The following GALNT17 variants were observed in gnomAD, a reference collection of about 807,000 sequenced individuals.
The protein encoded by GALNT17 is polypeptide N-acetylgalactosaminyltransferase 17, also known as UDP-GalNAc:polypeptide N-acetylgalactosaminyltransferase-like 3.
A neutral mutation model predicts 63.7 loss-of-function variants in GALNT17; 29 were observed. The observed-to-expected ratio is 0.46, with a 90% CI of 0.34 to 0.62. The LOEUF (loss-of-function observed/expected upper bound fraction) is 0.62, where lower values mean the gene tolerates loss of function less well. GALNT17 is among the 20% of genes least tolerant of loss of function. The probability of loss-of-function intolerance (pLI) is 0.01; values close to 1 mark genes in which losing one functional copy is unlikely to be tolerated. For missense variants in GALNT17, 603 were observed against 799.6 expected (o/e 0.75, Z 2.97); for synonymous variants, 305 against 318.3 (o/e 0.96, Z 0.45).
chr7:71,162,073 CTTCCTTCT>C (rs1474747681), intron 1 of GALNT17, among the ~76,000 whole-genome samples: 3 of 122,602 alleles, frequency 2.4e-5, no homozygotes, highest in Non-Finnish European at 3.3e-5. Context: ...TCCTTCCTTC[CTTCCTTCT>C]TTCCTTCCTC....
intron 1 of GALNT17, among the ~76,000 whole-genome samples, chr7:71,265,836 A>G (rs1255252381): frequency 6.6e-6 from 1 of 152,242 alleles, no homozygotes; most frequent in Non-Finnish European, 1.5e-5. Flanking sequence ...AGGATGTATT[A>G]GTTTCATGCT....
chr7:71,454,594 G>T (rs1273705251), intron 5 of GALNT17, among the ~76,000 whole-genome samples: 1 of 152,178 alleles, frequency 6.6e-6, no homozygotes, highest in Non-Finnish European at 1.5e-5. Flanking sequence ...TTGAGAGAAG[G>T]TCAAAGGTAA....
chr7:71,462,806 T>G (rs1410233514), intron 5 of GALNT17, among the ~76,000 whole-genome samples: 1 of 152,176 alleles, frequency 6.6e-6, no homozygotes, highest in Admixed American at 6.5e-5. Flanking sequence ...GAGATAACTT[T>G]GAATAGAATG....
chr7:71,669,367 C>T (rs547351056), intron 7 of GALNT17, among the ~76,000 whole-genome samples: 3 of 151,868 alleles, frequency 2.0e-5, no homozygotes, highest in African/African-American at 7.2e-5. Context: ...AAAAATTATC[C>T]AGGCATGGTG....
Position 71,665,558 on chromosome 7 carries a change from A to G in GALNT17, c.1228A>G (p.Lys410Glu). ...RVAEVWMDDY[K>E]SHVYIAWNLP... ...TGCTGAGGTCTGGATGGACGATTAC[A>G]AGTCTCATGTGTACATAGCGTGGAA... Residue 410 changes from lysine to glutamate, a missense_variant, in exon 7 of 11, where the codon AAG becomes GAG. Around this residue, in one of 3 missense-constraint regions of GALNT17, gnomAD observed 336 missense variants for 507.8 expected, o/e 0.66. Transcript: ENST00000333538. The G allele has an allele frequency of 6.2e-7, 1 of 1,614,016 alleles. No individual in the cohort carries two copies. The highest frequency in any genetic ancestry group is 8.5e-7 in the Non-Finnish European group (1 of 1,179,980).
chr7:71,331,708 A>G (rs542593843), intron 1 of GALNT17, among the ~76,000 whole-genome samples: 2 of 115,104 alleles, frequency 1.7e-5, no homozygotes, highest in South Asian at 2.4e-4. Context: ...GAGTGAGACC[A>G]TCCCTTAAAA....
chr7:71,455,350 TC>T (rs1361892293), intron 5 of GALNT17, among the ~76,000 whole-genome samples: 2 of 152,042 alleles, frequency 1.3e-5, no homozygotes, highest in African/African-American at 2.4e-5. Context: ...AGAGGTGTGT[TC>T]AACCTCCCAT....
At chr7:71,295,692 G>C (rs970307073) in intron 1 of GALNT17, among the ~76,000 whole-genome samples, 6 of 151,798 alleles carry the variant, frequency 4.0e-5, no homozygotes, top group African/African-American at 1.5e-4. Flanking sequence ...TCAAATTCCT[G>C]GGCTTAAGCA....
chr7:71,673,554 A>G (rs1791103059), intron 8 of GALNT17, among the ~76,000 whole-genome samples: 1 of 152,182 alleles, frequency 6.6e-6, no homozygotes, highest in African/African-American at 2.4e-5. Context: ...GTACTTTGTC[A>G]TGCTTTTCCA....
intron 6 of GALNT17, among the ~76,000 whole-genome samples, chr7:71,647,568 C>T (rs972646418): frequency 2.0e-5 from 3 of 152,196 alleles, no homozygotes; most frequent in Non-Finnish European, 4.4e-5. Flanking sequence ...CAGGCAGAGG[C>T]CCCTCCAGGC....
At chr7:71,342,131 T>C (rs1203269390) in intron 2 of GALNT17, among the ~76,000 whole-genome samples, 2 of 152,202 alleles carry the variant, frequency 1.3e-5, no homozygotes, top group Non-Finnish European at 2.9e-5. Flanking sequence ...GGGTTATTTA[T>C]AAATATAAGA....
intron 1 of GALNT17, among the ~76,000 whole-genome samples, chr7:71,332,325 A>G (rs1183467426): frequency 6.6e-6 from 1 of 152,116 alleles, no homozygotes; most frequent in African/African-American, 2.4e-5. Context: ...TCAGGGACCT[A>G]AATTTTTGCA....
intron 6 of GALNT17, among the ~76,000 whole-genome samples, chr7:71,587,202 A>G (rs1463857898): frequency 4.0e-5 from 6 of 151,784 alleles, no homozygotes. Context: ...TAATTTTTCT[A>G]TTTTTAGTAG....
intron 6 of GALNT17, among the ~76,000 whole-genome samples, chr7:71,586,278 C>A (rs1399239137): frequency 6.6e-6 from 1 of 152,160 alleles, no homozygotes; most frequent in Non-Finnish European, 1.5e-5. Flanking sequence ...ATCTTATAGT[C>A]TCTATTGTAT....
intron 1 of GALNT17, among the ~76,000 whole-genome samples, chr7:71,320,653 C>T (rs1211226162): frequency 6.6e-6 from 1 of 152,140 alleles, no homozygotes; most frequent in Non-Finnish European, 1.5e-5. Flanking sequence ...ATTGATAGTG[C>T]TTCTGAATAC....
chr7:71,355,813 G>T (rs1466678217), intron 2 of GALNT17, among the ~76,000 whole-genome samples: 1 of 151,846 alleles, frequency 6.6e-6, no homozygotes, highest in African/African-American at 2.4e-5. Context: ...GATTACAGGT[G>T]TGAGCCACCA....
intron 1 of GALNT17, among the ~76,000 whole-genome samples, chr7:71,205,874 A>C (rs1433239169): frequency 6.6e-6 from 1 of 152,100 alleles, no homozygotes; most frequent in Non-Finnish European, 1.5e-5. Flanking sequence ...TTAAATAAGT[A>C]GGTTATTTCT....
At chr7:71,515,053 C>T (rs1275233742) in intron 5 of GALNT17, among the ~76,000 whole-genome samples, 3 of 152,182 alleles carry the variant, frequency 2.0e-5, no homozygotes, top group African/African-American at 7.2e-5. Flanking sequence ...TGCCTTTGCT[C>T]CTCCTTCACC....
intron 2 of GALNT17, among the ~76,000 whole-genome samples, chr7:71,347,942 CA>C (rs1792124273): frequency 6.6e-6 from 1 of 151,956 alleles, no homozygotes; most frequent in African/African-American, 2.4e-5. Flanking sequence ...TGATTTTTTC[CA>C]CATATTGAAG....
Sources: gnomAD v4.1 joint callset for allele counts (sites outside exome capture counted in the v4.1 genomes callset) on GRCh38, gnomAD v4.1.1 for gene constraint, gnomAD v4.1.1 regional missense constraint, MANE v1.5 for transcripts, NCBI Gene and HGNC (gene_info 2026-07-23, HGNC 2026-07-21) for gene names.